The following TANC1 variants were observed in gnomAD, a reference collection of about 807,000 sequenced individuals.
TANC1 encodes protein TANC1.
In TANC1, 77 loss-of-function variants were observed where a neutral mutation model predicts 149.7. The observed-to-expected ratio is 0.51, with a 90% CI of 0.43 to 0.62. TANC1 has a LOEUF of 0.62. Among genes scored for constraint, TANC1 ranks in the 20% least tolerant of loss-of-function variants. TANC1 has a pLI of 0.00. For synonymous variants in TANC1, 854 were observed against 925.0 expected (o/e 0.92, Z 1.39); for missense variants, 1,985 against 2,321.8 (o/e 0.85, Z 2.98).
chr2:159,107,412 A>C (rs1380888160), intron 4 of TANC1, among the ~76,000 whole-genome samples: 2 of 152,206 alleles, frequency 1.3e-5, no homozygotes. Context: ...GTCATGTCCT[A>C]GTAACCGTTG....
chr2:159,170,491 A>G lies in TANC1; in HGVS notation c.1070-33A>G, dbSNP rs539319075. 15 of 1,558,494 alleles carry G rather than the reference A, an allele frequency of 9.6e-6. No homozygotes were observed. The African/African-American group carries it at 1.1e-4, about 11-fold the overall frequency. On this transcript the variant is annotated intron_variant, in intron 9 of 26. Coordinates refer to ENST00000263635, the MANE Select transcript of TANC1 (RefSeq NM_033394.3). ...GTTTCTTAGTTTATAAAATTATGAC[A>G]TTTTTCTAAAATTTTTTTTTCTTCT... is the stretch of plus-strand genomic sequence containing the variant.
intron 2 of TANC1, among the ~76,000 whole-genome samples, chr2:159,057,168 T>C (rs1324240846): frequency 6.6e-6 from 1 of 151,548 alleles, no homozygotes; most frequent in Non-Finnish European, 1.5e-5. Flanking sequence ...GCTCAAACGA[T>C]CCTCCCAAAG....
At chr2:159,005,772 C>T (rs1052303086) in intron 2 of TANC1, among the ~76,000 whole-genome samples, 2 of 151,614 alleles carry the variant, frequency 1.3e-5, no homozygotes, top group Non-Finnish European at 2.9e-5. Flanking sequence ...TTTGCCTGGT[C>T]TATTCTGAGA....
intron 5 of TANC1, among the ~76,000 whole-genome samples, chr2:159,147,376 C>T (rs2052252402): frequency 6.6e-6 from 1 of 152,260 alleles, no homozygotes; most frequent in South Asian, 2.1e-4. Context: ...TCCAGCCCAG[C>T]TGCCACCTGA....
At chr2:158,991,091 C>CAAAA (rs34411224) in intron 1 of TANC1, among the ~76,000 whole-genome samples, 7 of 70,150 alleles carry the variant, frequency 1.0e-4, no homozygotes, top group Non-Finnish European at 1.0e-4. Context: ...GATCCTGTGT[C>CAAAA]AAAAAAAAAA....
At chr2:159,059,504 TAAAAA>T (rs1215884513) in intron 2 of TANC1, among the ~76,000 whole-genome samples, 1 of 140,904 alleles carries the variant, frequency 7.1e-6, no homozygotes, top group African/African-American at 2.6e-5. Context: ...AAGACTCTCT[TAAAAA>T]AAACCAAATA....
chr2:159,220,362 C>T (rs1317962184), intron 22 of TANC1, among the ~76,000 whole-genome samples: 2 of 151,342 alleles, frequency 1.3e-5, no homozygotes, highest in Non-Finnish European at 2.9e-5. Flanking sequence ...GGCTGGAGTG[C>T]AGTGGTGCGA....
chr2:159,039,782 A>G (rs532145661), intron 2 of TANC1, among the ~76,000 whole-genome samples: 4 of 152,278 alleles, frequency 2.6e-5, no homozygotes, highest in East Asian at 1.9e-4. Flanking sequence ...TATGTGGTCA[A>G]TTTTGGAATA....
chr2:158,974,907 ATTTTTTTT>A (rs3028258), intron 1 of TANC1, among the ~76,000 whole-genome samples: 2,190 of 103,332 alleles, frequency 0.021, 59 homozygotes, highest in African/African-American at 0.081. Context: ...TAATTTTTGT[ATTTTTTTT>A]TTTTTTTTTT....
chr2:159,016,688 C>T (rs1338274242), intron 2 of TANC1, among the ~76,000 whole-genome samples: 1 of 151,708 alleles, frequency 6.6e-6, no homozygotes, highest in Non-Finnish European at 1.5e-5. Context: ...CATTTTCCTG[C>T]CTCAGCCTCC....
At chr2:159,181,501 G>A (rs961069197) in intron 14 of TANC1, among the ~76,000 whole-genome samples, 2 of 152,196 alleles carry the variant, frequency 1.3e-5, no homozygotes, top group African/African-American at 4.8e-5. Context: ...GTTTCACCGT[G>A]TTAGCCAGGA....
chr2:158,996,475 G>A lies in TANC1; in HGVS notation c.-125-4605G>A, dbSNP rs902609567. On this transcript the variant is annotated intron_variant, in intron 1 of 26. Transcript: ENST00000263635. ...CTTGATATTTTTGTACACACGCAGTGTGTATTATATCAATATGCATTCTTC... is the reference window on the plus strand; with the variant it reads ...CTTGATATTTTTGTACACACGCAGTATGTATTATATCAATATGCATTCTTC... 2.6e-5 allele frequency among the ~76,000 whole-genome samples: 4 copies of A among 152,350 alleles called. No homozygotes were observed. The East Asian group carries it at 7.7e-4, about 29-fold the overall frequency.
rs2054236668 is a variant in TANC1 at position 159,163,266 on chromosome 2, T to G, written c.683-17T>G. On this transcript the variant is annotated splice_polypyrimidine_tract_variant and intron_variant, in intron 7 of 26. Coordinates refer to ENST00000263635, the MANE Select transcript of TANC1 (RefSeq NM_033394.3). ...TGTGCCTGGCCTCCTTCAAAGTATT[T>G]TGGTCTTTCATTTCAGCCACAATTA... 6.2e-7 allele frequency: 1 copy of G among 1,609,896 alleles called. No homozygotes were observed. Among genetic ancestry groups the G allele is most frequent in the African/African-American group, 1.3e-5 (1 of 74,778 alleles).
At chr2:159,154,054 A>G (rs1420110197) in intron 7 of TANC1, among the ~76,000 whole-genome samples, 1 of 152,092 alleles carries the variant, frequency 6.6e-6, no homozygotes, top group East Asian at 1.9e-4. Flanking sequence ...TTAATTTTCC[A>G]TTTTAAGTAG....
At chr2:159,200,783 A>G (rs1391787719) in intron 19 of TANC1, among the ~76,000 whole-genome samples, 1 of 152,172 alleles carries the variant, frequency 6.6e-6, no homozygotes, top group Non-Finnish European at 1.5e-5. Context: ...TGTTCTCGTC[A>G]GAGACTCCAC....
rs1481549504 is a variant in TANC1, at chr2:158,977,136, A to G, written c.-126+8354A>G. Reference sequence around the variant, plus strand: ...TTCCTGAGCTTCAATACGTTTTTAAAATTTTTTACTTTTTATTTTTTTAGA... The same window carrying G: ...TTCCTGAGCTTCAATACGTTTTTAAGATTTTTTACTTTTTATTTTTTTAGA... On this transcript the variant is annotated intron_variant, in intron 1 of 26. Transcript: ENST00000263635. Among the ~76,000 whole-genome samples, 4 of 151,996 alleles carry G rather than the reference A, an allele frequency of 2.6e-5. No homozygotes were observed. The East Asian group carries it at 7.7e-4, about 29-fold the overall frequency.
chr2:159,083,876 AT>A (rs544957246), intron 3 of TANC1, among the ~76,000 whole-genome samples: 293 of 147,094 alleles, frequency 2.0e-3, no homozygotes, highest in Non-Finnish European at 2.0e-3. Context: ...TGAGCAGTGA[AT>A]TTTTTTTTTT....
intron 2 of TANC1, among the ~76,000 whole-genome samples, chr2:159,025,416 G>C (rs1222944697): frequency 1.3e-5 from 2 of 151,986 alleles, no homozygotes; most frequent in Non-Finnish European, 2.9e-5. Flanking sequence ...CTGCGTAACT[G>C]CAACCTTGGA....
chr2:159,061,099 A>G (rs2149662498), intron 2 of TANC1, among the ~76,000 whole-genome samples: 1 of 152,348 alleles, frequency 6.6e-6, no homozygotes, highest in South Asian at 2.1e-4. Context: ...ATGTTGAATG[A>G]TAGTAGAAAT....
Sources: allele counts gnomAD v4.1 joint callset (sites outside exome capture counted in the v4.1 genomes callset), GRCh38; gene constraint gnomAD v4.1.1; transcripts MANE v1.5; gene names NCBI Gene and HGNC (gene_info 2026-07-23, HGNC 2026-07-21).